ZNF804A: variants seen among roughly 807,000 people sequenced by gnomAD.
ZNF804A encodes zinc finger protein 804A.
A neutral mutation model predicts 16.5 loss-of-function variants in ZNF804A; 2 were observed. That is an observed-to-expected ratio of 0.12 (90% CI 0.05 to 0.38). The LOEUF is 0.38. ZNF804A is among the 10% of genes least tolerant of loss of function. The pLI is 0.99. For synonymous variants in ZNF804A, 534 were observed against 489.6 expected, an observed-to-expected ratio of 1.09 and a Z score of -1.20; for missense variants, 1,473 against 1,390.7, an observed-to-expected ratio of 1.06 and a Z score of -0.94.
intron 1 of ZNF804A, among the ~76,000 whole-genome samples, chr2:184,607,936 CTTTTT>C (rs34262998): frequency 1.2e-4 from 8 of 65,654 alleles, no homozygotes; most frequent in Non-Finnish European, 1.6e-4. Context: ...TGATGCATCT[CTTTTT>C]TTTTTTTTTT....
intron 2 of ZNF804A, among the ~76,000 whole-genome samples, chr2:184,871,235 C>T (rs1161414428): frequency 6.6e-6 from 1 of 151,750 alleles, no homozygotes; most frequent in South Asian, 2.1e-4. Context: ...CTGGCTAAAA[C>T]TTGGACCTAC....
chr2:184,694,270 A>C (rs922513423), intron 1 of ZNF804A, among the ~76,000 whole-genome samples: 2 of 151,992 alleles, frequency 1.3e-5, no homozygotes, highest in East Asian at 3.9e-4. Context: ...AGAGTTCCTA[A>C]AGTAACATCT....
chr2:184,710,998 T>C (rs1040596164), intron 1 of ZNF804A, among the ~76,000 whole-genome samples: 4 of 151,802 alleles, frequency 2.6e-5, no homozygotes, highest in African/African-American at 7.2e-5. Context: ...AGATCATGAT[T>C]TTAATATTTT....
intron 1 of ZNF804A, among the ~76,000 whole-genome samples, chr2:184,621,092 GA>G (rs905876342): frequency 1.2e-4 from 18 of 151,212 alleles, no homozygotes; most frequent in African/African-American, 4.4e-4. Flanking sequence ...CAGAAGGCTA[GA>G]AAAAAATGTA....
chr2:184,745,435 C>T (rs1046313633), intron 1 of ZNF804A, among the ~76,000 whole-genome samples: 18 of 151,622 alleles, frequency 1.2e-4, no homozygotes, highest in African/African-American at 3.9e-4. Context: ...TTTTCAGAAA[C>T]AACTATCTAC....
At chr2:184,899,936 T>C (rs1685151471) in intron 2 of ZNF804A, among the ~76,000 whole-genome samples, 1 of 152,068 alleles carries the variant, frequency 6.6e-6, no homozygotes, top group South Asian at 2.1e-4. Context: ...TAAATACAAT[T>C]ATTTTTATTT....
intron 1 of ZNF804A, among the ~76,000 whole-genome samples, chr2:184,720,014 G>A (rs1693281412): frequency 6.6e-6 from 1 of 152,190 alleles, no homozygotes; most frequent in South Asian, 2.1e-4. Context: ...AAAGAAAGAG[G>A]TTTATTGGAC....
chr2:184,731,027 G>T (rs1693505481), intron 1 of ZNF804A, among the ~76,000 whole-genome samples: 1 of 151,762 alleles, frequency 6.6e-6, no homozygotes, highest in South Asian at 2.1e-4. Flanking sequence ...TGGATCACCT[G>T]AGGTCAGGAG....
intron 1 of ZNF804A, among the ~76,000 whole-genome samples, chr2:184,854,864 T>C (rs1463317066): frequency 6.6e-6 from 1 of 151,952 alleles, no homozygotes; most frequent in East Asian, 1.9e-4. Context: ...CAAGCAAAGA[T>C]CTATCACAAT....
At chr2:184,681,139 A>G (rs1692532332) in intron 1 of ZNF804A, among the ~76,000 whole-genome samples, 2 of 152,332 alleles carry the variant, frequency 1.3e-5, no homozygotes, top group Middle Eastern at 3.4e-3. Flanking sequence ...GCCTGAATGC[A>G]GGCTGCCTGG....
intron 1 of ZNF804A, among the ~76,000 whole-genome samples, chr2:184,791,283 T>C (rs1353899321): frequency 6.6e-6 from 1 of 152,178 alleles, no homozygotes; most frequent in Non-Finnish European, 1.5e-5. Context: ...GTATTTCTAT[T>C]TCCTTTGCTG....
intron 1 of ZNF804A, among the ~76,000 whole-genome samples, chr2:184,748,469 A>G (rs1693829108): frequency 6.6e-6 from 1 of 150,640 alleles, no homozygotes; most frequent in African/African-American, 2.4e-5. Flanking sequence ...AATTTTAATG[A>G]GATTATTTGT....
At chr2:184,863,714 C>T (rs748708929) in intron 1 of ZNF804A, among the ~76,000 whole-genome samples, 2 of 152,088 alleles carry the variant, frequency 1.3e-5, no homozygotes, top group Non-Finnish European at 2.9e-5. Flanking sequence ...GCTTTAATCC[C>T]AAAATTATTT....
chr2:184,669,732 T>A (rs1357174394), intron 1 of ZNF804A, among the ~76,000 whole-genome samples: 1 of 147,776 alleles, frequency 6.8e-6, no homozygotes, highest in East Asian at 2.0e-4. Flanking sequence ...CCTGGATGAC[T>A]TGGTTGCCAC....
At chr2:184,689,019 A>T (rs759200592) in intron 1 of ZNF804A, among the ~76,000 whole-genome samples, 5 of 152,168 alleles carry the variant, frequency 3.3e-5, no homozygotes, top group African/African-American at 7.2e-5. Flanking sequence ...AGTATAAAAA[A>T]TAATTTAACA....
intron 2 of ZNF804A, among the ~76,000 whole-genome samples, chr2:184,926,645 G>T (rs1248494684): frequency 6.6e-6 from 1 of 151,870 alleles, no homozygotes; most frequent in Non-Finnish European, 1.5e-5. Flanking sequence ...CTCTTAGATT[G>T]TCCCTTTTGA....
At chr2:184,803,010 T>C (rs978122460) in intron 1 of ZNF804A, among the ~76,000 whole-genome samples, 9 of 152,316 alleles carry the variant, frequency 5.9e-5, no homozygotes, top group Admixed American at 5.9e-4. Flanking sequence ...CTAGTAAGGT[T>C]ATAGAAAGAT....
intron 1 of ZNF804A, among the ~76,000 whole-genome samples, chr2:184,791,963 T>C (rs1030256127): frequency 6.6e-6 from 1 of 152,214 alleles, no homozygotes; most frequent in Non-Finnish European, 1.5e-5. Flanking sequence ...AAAGAATATG[T>C]ATTTTAGGTT....
At chr2:184,728,855 G>C (rs895367848) in intron 1 of ZNF804A, among the ~76,000 whole-genome samples, 5 of 151,814 alleles carry the variant, frequency 3.3e-5, no homozygotes, top group Middle Eastern at 3.4e-3. Flanking sequence ...ATACTATTTG[G>C]CTATTTTAAA....
Sources: allele counts gnomAD v4.1 joint callset (sites outside exome capture counted in the v4.1 genomes callset), GRCh38; gene constraint gnomAD v4.1.1; transcripts MANE v1.5; gene names NCBI Gene and HGNC (gene_info 2026-07-23, HGNC 2026-07-21).